The following LRRIQ3 variants were observed in gnomAD, a reference collection of about 807,000 sequenced individuals.
The protein encoded by LRRIQ3 is leucine-rich repeat and IQ domain-containing protein 3.
A neutral mutation model predicts 59.3 loss-of-function variants in LRRIQ3; 75 were observed. The ratio of observed to expected loss-of-function variants is 1.26; its 90% CI spans 1.05 to 1.53. The LOEUF (loss-of-function observed/expected upper bound fraction) is 1.53, where lower values mean the gene tolerates loss of function less well. LRRIQ3 is among the 40% of genes most tolerant of loss of function. LRRIQ3 has a pLI of 0.00. For synonymous variants in LRRIQ3, 250 were observed against 231.3 expected, an observed-to-expected ratio of 1.08 and a Z score of -0.73; for missense variants, 831 against 710.0, an observed-to-expected ratio of 1.17 and a Z score of -1.94.
intron 7 of LRRIQ3, among the ~76,000 whole-genome samples, chr1:74,029,790 T>G (rs1653640983): frequency 6.6e-6 from 1 of 152,086 alleles, no homozygotes. Flanking sequence ...CTCCTTCTTG[T>G]ACCTCTGGTA....
In LRRIQ3 at chr1:74,109,526, C is replaced by G. The variant is rs1646661285; in HGVS notation, c.735G>C (p.Gln245His). ...LSPVFFHKKK[Q>H]QEKIIRGYEA... is the part of the protein sequence containing the mutation. Reference sequence around the variant, plus strand: ...CATATCCTCTAATAATTTTTTCCTGCTGTTTTTTTTTGTGGAAAAACACAG... The same window carrying G: ...CATATCCTCTAATAATTTTTTCCTGGTGTTTTTTTTTGTGGAAAAACACAG... Residue 245 changes from glutamine to histidine, a missense_variant, in exon 5 of 8, where the codon CAG becomes CAC. Transcript: ENST00000354431. The G allele has an allele frequency of 6.4e-7, 1 of 1,561,230 alleles. No individual in the cohort carries two copies. The highest frequency in any genetic ancestry group is 1.4e-5 in the African/African-American group (1 of 71,724).
At chr1:74,177,391 C>G (rs1649708469) in intron 3 of LRRIQ3, among the ~76,000 whole-genome samples, 1 of 152,046 alleles carries the variant, frequency 6.6e-6, no homozygotes, top group South Asian at 2.1e-4. Flanking sequence ...ATTGTGGGAC[C>G]TTGTGATCAT....
chr1:74,175,873 AG>A (rs1262897781), intron 3 of LRRIQ3, among the ~76,000 whole-genome samples: 3 of 152,196 alleles, frequency 2.0e-5, no homozygotes, highest in African/African-American at 7.2e-5. Context: ...TTACCAGATC[AG>A]GTGAAGTATG....
In LRRIQ3 at chr1:74,071,195, C is replaced by T. The variant is rs140562638; in HGVS notation, c.997+3466G>A. On this transcript the variant is annotated intron_variant, in intron 6 of 7. Coordinates refer to ENST00000354431, the MANE Select transcript of LRRIQ3 (RefSeq NM_001105659.2). ...ATATAGTTATATAATCTTTTAGAGA[C>T]AGGGTCTCGCTGTGTCACTCAGGCT... is the stretch of plus-strand genomic sequence containing the variant. 2.0e-3 allele frequency among the ~76,000 whole-genome samples: 305 copies of T among 151,926 alleles called. 3 individuals are homozygous for T. The highest frequency in any genetic ancestry group is 6.6e-3 in the African/African-American group (274 of 41,428).
intron 4 of LRRIQ3, 142 bp from the exon 5 acceptor site, chr1:74,109,695 T>C (rs1570129754): frequency 5.0e-6 from 3 of 600,664 alleles, no homozygotes; most frequent in South Asian, 6.2e-5. Context: ...AGTAGTGTTA[T>C]ATAATGCTAC....
At chr1:74,039,357 G>T (rs1653971817) in intron 7 of LRRIQ3, among the ~76,000 whole-genome samples, 1 of 152,168 alleles carries the variant, frequency 6.6e-6, no homozygotes, top group South Asian at 2.1e-4. Context: ...ACTGACTGGA[G>T]TACCTGAAGG....
At chr1:74,113,125 T>C (rs1486989433) in intron 4 of LRRIQ3, among the ~76,000 whole-genome samples, 1 of 151,682 alleles carries the variant, frequency 6.6e-6, no homozygotes. Context: ...ATAAAGACTA[T>C]CAGTGAAGAC....
intron 6 of LRRIQ3, among the ~76,000 whole-genome samples, chr1:74,042,609 C>A (rs1557589923): frequency 6.6e-6 from 1 of 151,994 alleles, no homozygotes; most frequent in Admixed American, 6.6e-5. Flanking sequence ...ACAGAGGCAG[C>A]CTTAGGCCAC....
chr1:74,071,326 C>T (rs558093114), intron 6 of LRRIQ3, among the ~76,000 whole-genome samples: 1 of 152,134 alleles, frequency 6.6e-6, no homozygotes, highest in African/African-American at 2.4e-5. Context: ...GCCACTGTGC[C>T]CTGCCAGGAT....
chr1:74,073,545 A>C (rs942935021), intron 6 of LRRIQ3, among the ~76,000 whole-genome samples: 1 of 137,978 alleles, frequency 7.2e-6, no homozygotes, highest in Non-Finnish European at 1.6e-5. Context: ...AACAAACAAA[A>C]TAAAAAGACC....
intron 4 of LRRIQ3, among the ~76,000 whole-genome samples, chr1:74,114,782 TA>T (rs1256976191): frequency 6.7e-6 from 1 of 149,480 alleles, no homozygotes; most frequent in Non-Finnish European, 1.5e-5. Flanking sequence ...AACATACAAT[TA>T]AAAATCAATA....
chr1:74,088,742 T>C (rs1244232934), intron 5 of LRRIQ3, among the ~76,000 whole-genome samples: 1 of 151,904 alleles, frequency 6.6e-6, no homozygotes, highest in Admixed American at 6.6e-5. Flanking sequence ...AAAAAAATCT[T>C]TGAGGCCTCA....
chr1:74,146,132 G>A (rs909248829), intron 4 of LRRIQ3, among the ~76,000 whole-genome samples: 3 of 152,020 alleles, frequency 2.0e-5, no homozygotes, highest in African/African-American at 4.8e-5. Flanking sequence ...AGTGTAGTAG[G>A]CTATATAACC....
chr1:74,057,804 C>T (rs1265231347), intron 6 of LRRIQ3, among the ~76,000 whole-genome samples: 1 of 151,982 alleles, frequency 6.6e-6, no homozygotes, highest in Non-Finnish European at 1.5e-5. Context: ...AATTGGAGAA[C>T]ATATTCACAA....
intron 5 of LRRIQ3, among the ~76,000 whole-genome samples, chr1:74,107,368 C>A (rs1646629451): frequency 6.6e-6 from 1 of 151,446 alleles, no homozygotes; most frequent in Non-Finnish European, 1.5e-5. Flanking sequence ...GTTTTCTCAC[C>A]TCCACCCCTT....
intron 7 of LRRIQ3, among the ~76,000 whole-genome samples, chr1:74,037,479 A>T (rs1222169086): frequency 1.3e-5 from 2 of 152,104 alleles, no homozygotes; most frequent in Non-Finnish European, 2.9e-5. Context: ...CTCTACTAAA[A>T]ATACAAAAAA....
At chr1:74,142,157 G>C (rs946210067) in intron 4 of LRRIQ3, among the ~76,000 whole-genome samples, 5 of 151,738 alleles carry the variant, frequency 3.3e-5, no homozygotes, top group Admixed American at 2.0e-4. Flanking sequence ...CTTTGAATTC[G>C]AAAGACTGGG....
intron 6 of LRRIQ3, among the ~76,000 whole-genome samples, chr1:74,056,413 A>G (rs1359505200): frequency 6.6e-6 from 1 of 152,058 alleles, no homozygotes; most frequent in Admixed American, 6.6e-5. Context: ...AAATTGGAAT[A>G]GAGAAAGTCA....
intron 6 of LRRIQ3, among the ~76,000 whole-genome samples, chr1:74,047,104 A>G (rs548571034): frequency 4.6e-5 from 7 of 152,314 alleles, no homozygotes; most frequent in African/African-American, 1.7e-4. Flanking sequence ...ATATGCCCAA[A>G]GGATTATAAA....
Sources: gnomAD v4.1 joint callset for allele counts (sites outside exome capture counted in the v4.1 genomes callset) on GRCh38, gnomAD v4.1.1 for gene constraint, MANE v1.5 for transcripts, NCBI Gene and HGNC (gene_info 2026-07-23, HGNC 2026-07-21) for gene names.